The following EIF3G variants were observed in gnomAD, a reference collection of about 807,000 sequenced individuals.
EIF3G encodes eukaryotic translation initiation factor 3 RNA-binding subunit.
EIF3G carries 10 observed loss-of-function variants against 41.7 expected under a neutral mutation model. The ratio of observed to expected loss-of-function variants is 0.24; its 90% CI spans 0.15 to 0.41. The LOEUF (loss-of-function observed/expected upper bound fraction) is 0.41. Ranked by LOEUF, EIF3G falls within the 10% of genes least tolerant of loss-of-function variation. EIF3G has a pLI of 1.00. For missense variants in EIF3G, 297 were observed against 444.0 expected, an observed-to-expected ratio of 0.67 and a Z score of 2.98; for synonymous variants, 204 against 172.5, an observed-to-expected ratio of 1.18 and a Z score of -1.43.
In EIF3G at chr19:10,119,843, A is replaced by C; in HGVS notation, c.17T>G (p.Phe6Cys). The C allele has an allele frequency of 6.2e-7, 1 of 1,614,156 alleles. No individual in the cohort carries two copies. The highest frequency in any genetic ancestry group is 8.5e-7 in the Non-Finnish European group (1 of 1,180,028). Reference protein sequence around the residue: MPTGDFDSKPSWADQV... With the variant: MPTGDCDSKPSWADQV... ...CTTTCCGCGATCGCCGACTCACTCA[A>C]AGTCTCCAGTAGGCATCGCAAAAAG... Residue 6 changes from phenylalanine to cysteine, a missense_variant, in exon 1 of 11, where the codon TTT (phenylalanine) becomes TGT (cysteine). Coordinates refer to ENST00000253108, the MANE Select transcript of EIF3G (RefSeq NM_003755.5).
Position 10,117,174 on chromosome 19 carries a change from G to A in EIF3G, c.315C>T (p.Phe105=), listed in dbSNP as rs142682262. ...AVARRKNWKK[F]GNSEFDPPGP... The stretch of plus-strand genomic sequence containing the variant: ...CGGGGGGGTCAAACTCTGAGTTCCC[G>A]AACTTCTTCCAGTTCTGGGCTCAGG... The change falls in exon 6 of 11, where the codon TTC becomes TTT. Residue 105 remains phenylalanine (F), a synonymous_variant. Coordinates refer to ENST00000253108, the MANE Select transcript of EIF3G (RefSeq NM_003755.5). 276 of 1,610,916 alleles carry A rather than the reference G, an allele frequency of 1.7e-4. No homozygotes were observed. In the African/African-American group the frequency reaches 3.0e-3, roughly 17 times the overall value.
intron 10 of EIF3G, 152 bp from the exon 11 acceptor site, chr19:10,115,281 TCCACGGACTGGC>T: frequency 1.7e-6 from 2 of 1,166,870 alleles, no homozygotes; most frequent in Non-Finnish European, 2.4e-6. Flanking sequence ...CCAGGCCTGG[TCCACGGACTGGC>T]AGGGACCCCA....
chr19:10,115,614 C>A (rs200501937), intron 9 of EIF3G, 29 bp from the exon 10 acceptor site: 3 of 1,610,708 alleles, frequency 1.9e-6, no homozygotes, highest in Non-Finnish European at 1.7e-6. Context: ...GGGTCGGGCA[C>A]GAGCTAGGAC....
At chr19:10,115,890 C>T (rs2089237977) in intron 8 of EIF3G, 70 bp from the exon 9 acceptor site, 5 of 1,598,860 alleles carry the variant, frequency 3.1e-6, no homozygotes, top group East Asian at 2.2e-5. Flanking sequence ...GCCCAGCCCT[C>T]GTGTGCACGC....
rs369537875 is a variant in EIF3G, at chr19:10,115,469, G to C, written c.947+10C>G. ...AGGGAGCAGGGGCTGGGGCAGGGAT[G>C]GAGTCTTACTTGGCCCACTCGACGT... On this transcript the variant is annotated intron_variant, in intron 10 of 10. Coordinates refer to ENST00000253108, the MANE Select transcript of EIF3G (RefSeq NM_003755.5). 1.9e-6 allele frequency: 3 copies of C among 1,601,094 alleles called. No individual in the cohort carries two copies. The highest frequency in any genetic ancestry group is 1.7e-6 in the Non-Finnish European group (2 of 1,172,134).
Position 10,117,156 on chromosome 19 carries a change from G to T in EIF3G, c.333C>A (p.Asp111Glu), listed in dbSNP as rs771325052. 2 of 1,612,974 alleles carry T rather than the reference G, an allele frequency of 1.2e-6. No homozygotes were observed. The highest frequency in any genetic ancestry group is 1.3e-5 in the African/African-American group (1 of 74,944). Residue 111 changes from aspartate to glutamate, a missense_variant, in exon 6 of 11, where the codon GAC becomes GAA. Asp to Glu is a conservative substitution (Grantham distance 45). Coordinates refer to ENST00000253108, the MANE Select transcript of EIF3G (RefSeq NM_003755.5). The stretch of plus-strand genomic sequence containing the variant: ...TGGTGGCCACATTGGGTCCGGGGGG[G>T]TCAAACTCTGAGTTCCCGAACTTCT... The part of the protein sequence containing the change: ...NWKKFGNSEF[D>E]PPGPNVATTT...
In EIF3G at chr19:10,117,199, G is replaced by A. The variant is rs2089266026; in HGVS notation, c.301-11C>T. The A allele has an allele frequency of 6.3e-7, 1 of 1,596,466 alleles. No homozygotes were observed. ...GAACTTCTTCCAGTTCTGGGCTCAG[G>A]GAGGGATGGGGGACAGTTGAGGGCA... On this transcript the variant is annotated splice_polypyrimidine_tract_variant and intron_variant, in intron 5 of 10. Transcript: ENST00000253108.
chr19:10,116,089 ACAGT>A lies in EIF3G; in HGVS notation c.596-19_596-16del, dbSNP rs778424350. The A allele has an allele frequency of 6.2e-7, 1 of 1,612,292 alleles. No homozygotes were observed. The highest frequency in any genetic ancestry group is 1.7e-5 in the Admixed American group (1 of 59,810). ...CGGCTCTAGCTCTGGGGACCAAAAG[ACAGT>A]CAAGTTCAACCTCACTGTGGCGCAG... On this transcript the variant is annotated splice_polypyrimidine_tract_variant and intron_variant, in intron 7 of 10. Transcript: ENST00000253108. This position sits in a 1 kb window ranked among gnomAD's most constrained non-coding sequence, Gnocchi z 4.1.
At chr19:10,115,311 G>A in intron 10 of EIF3G, 168 bp downstream of exon 10, 2 of 1,100,392 alleles carry the variant, frequency 1.8e-6, no homozygotes, top group South Asian at 1.6e-5. Flanking sequence ...CCAGGCACAA[G>A]AGCTGCCACC....
chr19:10,115,198 C>T, intron 10 of EIF3G, 69 bp from the exon 11 acceptor site: 4 of 1,584,134 alleles, frequency 2.5e-6, no homozygotes, highest in African/African-American at 1.3e-5. Flanking sequence ...ACCCAAGTGG[C>T]ATCTTGGGGG....
chr19:10,118,086 A>T (rs1428087860), intron 5 of EIF3G: 2 of 152,394 alleles, frequency 1.3e-5, no homozygotes, highest in Admixed American at 6.6e-5. Flanking sequence ...TTTTTATTCG[A>T]TATTTACAAT....
Position 10,119,891 on chromosome 19 carries a change from C to T in EIF3G, c.-32G>A, listed in dbSNP as rs377631850. 6.2e-7 allele frequency: 1 copy of T among 1,614,082 alleles called. No homozygotes were observed. The highest frequency in any genetic ancestry group is 8.5e-7 in the Non-Finnish European group (1 of 1,180,038). ...AAGTATTCTCCACGCAGCCCAAGCC[C>T]GGCCAGAGAGCGGAAGCGGGCGAAA... is the stretch of plus-strand genomic sequence containing the variant. On this transcript the variant is annotated 5_prime_UTR_variant, in exon 1 of 11. Transcript: ENST00000253108.
chr19:10,117,469 G>A (rs533282480), intron 5 of EIF3G: 9 of 407,192 alleles, frequency 2.2e-5, no homozygotes, highest in Admixed American at 8.1e-5. Context: ...CCACCAGGGC[G>A]CAATACTCAG....
intron 2 of EIF3G, chr19:10,119,415 G>A (rs1337168685): frequency 6.7e-6 from 5 of 747,384 alleles, no homozygotes; most frequent in Non-Finnish European, 1.2e-5. Context: ...AGAGAAACAG[G>A]AGACGGGAGA....
At position 10,118,713 on chromosome 19, in the gene EIF3G, G is replaced by A. The variant is rs1051285774; in HGVS notation, c.255C>T (p.Phe85=). 1.9e-6 allele frequency: 3 copies of A among 1,614,036 alleles called. No homozygotes were observed. The highest frequency in any genetic ancestry group is 2.2e-5 in the East Asian group (1 of 44,888). Reference sequence around the variant, plus strand: ...TTGAAGCCTTCCGGGTCTCAATCCTGAAGGTGCGGACAATCTGAGGATGGG... The same window carrying A: ...TTGAAGCCTTCCGGGTCTCAATCCTAAAGGTGCGGACAATCTGAGGATGGG... ...DGKKFKIVRT[F]RIETRKASKA... is the part of the protein sequence containing the mutation. Residue 85 remains phenylalanine, a synonymous_variant, in exon 5 of 11, where the codon TTC becomes TTT. Transcript: ENST00000253108.
Position 10,116,710 on chromosome 19 carries a change from C to T in EIF3G, c.595+90G>A, listed in dbSNP as rs1568495328. ...GAGGAGAGTCTGGCACCATCAAACC[C>T]GCTGCACTGTCGTGCGGGAGATGAC... On this transcript the variant is annotated intron_variant, in intron 7 of 10. Transcript: ENST00000253108. This position sits in a 1 kb window ranked among gnomAD's most constrained non-coding sequence, Gnocchi z 4.1. The T allele has an allele frequency of 3.0e-6, 4 of 1,346,148 alleles. No homozygotes were observed. Among genetic ancestry groups the T allele is most frequent in the Non-Finnish European group, 3.0e-6 (3 of 993,476 alleles). The allele number at this position is 1,346,148 out of a possible 1,614,324, so 83.4% of individuals were successfully genotyped here.
In EIF3G at chr19:10,119,867, A is replaced by G. The variant is rs1387111188; in HGVS notation, c.-8T>C. 4 of 1,614,180 alleles carry G rather than the reference A, an allele frequency of 2.5e-6. No individual in the cohort carries two copies. The highest frequency in any genetic ancestry group is 1.3e-5 in the African/African-American group (1 of 75,058). ...AAAGTCTCCAGTAGGCATCGCAAAA[A>G]GTATTCTCCACGCAGCCCAAGCCCG... On this transcript the variant is annotated 5_prime_UTR_variant, in exon 1 of 11. Transcript: ENST00000253108.
At chr19:10,115,175 C>G (rs373314436) in intron 10 of EIF3G, 46 bp from the exon 11 acceptor site, 26 of 1,608,912 alleles carry the variant, frequency 1.6e-5, no homozygotes, top group Non-Finnish European at 2.2e-5. Flanking sequence ...GGGGGCACCC[C>G]AAGACCCCAG....
Position 10,116,126 on chromosome 19 carries a change from G to A in EIF3G, c.596-52C>T, listed in dbSNP as rs1404980142. The stretch of plus-strand genomic sequence containing the variant: ...AACCTCACTGTGGCGCAGGCGTGGG[G>A]ACAGAGCCGCCCCAGGAAGCTCGGG... On this transcript the variant is annotated intron_variant, in intron 7 of 10. Transcript: ENST00000253108. The surrounding 1 kb of genome is among the most constrained non-coding windows in gnomAD (Gnocchi z 4.1). 1.9e-6 allele frequency: 3 copies of A among 1,555,090 alleles called. No individual in the cohort carries two copies. Among genetic ancestry groups the A allele is most frequent in the Non-Finnish European group, 1.8e-6 (2 of 1,138,134 alleles).
Sources: allele counts gnomAD v4.1 joint callset, GRCh38; gene constraint gnomAD v4.1.1; non-coding constraint Gnocchi (gnomAD v3.1); transcripts MANE v1.5; gene names NCBI Gene and HGNC (gene_info 2026-07-23, HGNC 2026-07-21).